Variants in TMTC2 observed in about 807,000 individuals in gnomAD.
TMTC2 encodes protein O-mannosyl-transferase TMTC2.
Under a neutral mutation model 82.4 loss-of-function variants are expected in TMTC2, and 43 were observed. That is an observed-to-expected ratio of 0.52 (90% CI 0.41 to 0.67). TMTC2 has a LOEUF of 0.67. Ranked by LOEUF, TMTC2 falls within the 30% of genes least tolerant of loss-of-function variation. The pLI, the probability that TMTC2 is intolerant of heterozygous loss-of-function variation, is 0.00. For synonymous variants in TMTC2, 408 were observed against 381.9 expected (o/e 1.07, Z -0.80); for missense variants, 919 against 1,012.4 (o/e 0.91, Z 1.25).
chr12:82,999,717 T>C (rs116822835), intron 8 of TMTC2, among the ~76,000 whole-genome samples: 2,729 of 152,248 alleles, frequency 0.018, 83 homozygotes, highest in African/African-American at 0.063. Context: ...GAGAACAGCA[T>C]GGGAAAGACC....
At chr12:83,084,755 G>T (rs139595100) in intron 11 of TMTC2, among the ~76,000 whole-genome samples, 2 of 152,156 alleles carry the variant, frequency 1.3e-5, no homozygotes, top group East Asian at 3.9e-4. Context: ...AATATTACTG[G>T]CAAGGCACCT....
chr12:82,703,702 T>C (rs1224550827), intron 1 of TMTC2, among the ~76,000 whole-genome samples: 1 of 152,070 alleles, frequency 6.6e-6, no homozygotes, highest in Non-Finnish European at 1.5e-5. Flanking sequence ...GGTTTCACCA[T>C]GGTCTCGATC....
At chr12:82,963,777 T>A (rs1474296558) in intron 4 of TMTC2, among the ~76,000 whole-genome samples, 1 of 110,182 alleles carries the variant, frequency 9.1e-6, no homozygotes, top group African/African-American at 3.9e-5. Context: ...TCAGATTAAC[T>A]GTTGTCCAGA....
chr12:83,040,951 T>C (rs1011720369), intron 9 of TMTC2, among the ~76,000 whole-genome samples: 3 of 152,164 alleles, frequency 2.0e-5, no homozygotes, highest in South Asian at 2.1e-4. Flanking sequence ...CCCAAAGTGC[T>C]GGGATTACAG....
rs538260859 is a variant in TMTC2, at chr12:82,792,498, G to A, written c.84-64512G>A. Among the ~76,000 whole-genome samples, 13 of 151,832 alleles carry A rather than the reference G, an allele frequency of 8.6e-5. No individual in the cohort carries two copies. In the East Asian group the frequency reaches 1.9e-3, roughly 23 times the overall value. ...TGTTTGTTTAAATTGACAGAGTCTC[G>A]CTCTGTCGCCCAGGATGGAGTGCAG... On this transcript the variant is annotated intron_variant, in intron 1 of 11. Transcript: ENST00000321196.
At chr12:83,018,392 TGCTATC>T (rs2137398769) in intron 8 of TMTC2, among the ~76,000 whole-genome samples, 1 of 152,330 alleles carries the variant, frequency 6.6e-6, no homozygotes, top group East Asian at 1.9e-4. Context: ...GCACTTCTCA[TGCTATC>T]GCTAAGCAGT....
chr12:82,715,287 CAAAAA>C (rs1394060792), intron 1 of TMTC2, among the ~76,000 whole-genome samples: 1 of 148,304 alleles, frequency 6.7e-6, no homozygotes, highest in African/African-American at 2.5e-5. Flanking sequence ...AAAAAAAAAA[CAAAAA>C]AGAAAAGGCA....
rs750327519 is a variant in TMTC2 at position 83,040,679 on chromosome 12, CTT to C, written c.2152+9818_2152+9819del. ...CAATCAACTTTTTTTCTGTCCTTTT[CTT>C]TTTTTTTTTTTTTTTTTCTTTTGAG... is the stretch of plus-strand genomic sequence containing the variant. On this transcript the variant is annotated intron_variant, in intron 9 of 11. Coordinates refer to ENST00000321196, the MANE Select transcript of TMTC2 (RefSeq NM_152588.3). 4.8e-5 allele frequency among the ~76,000 whole-genome samples: 6 copies of C among 124,208 alleles called. No homozygotes were observed. The South Asian group carries it at 7.8e-4, about 16-fold the overall frequency. 81.5% of individuals were successfully genotyped at this position (124,208 alleles called of 152,430 possible). A position where few individuals can be genotyped will look rare whatever the true frequency, so the allele number is the denominator to read the frequency against.
At chr12:82,908,959 A>T (rs1353074980) in intron 3 of TMTC2, among the ~76,000 whole-genome samples, 1 of 152,282 alleles carries the variant, frequency 6.6e-6, no homozygotes, top group East Asian at 1.9e-4. Context: ...TCTCTGCTAC[A>T]ATTGTAGTTT....
chr12:82,878,179 G>C (rs75269960), intron 2 of TMTC2, among the ~76,000 whole-genome samples: 8,235 of 152,276 alleles, frequency 0.054, 627 homozygotes, highest in African/African-American at 0.16. Context: ...TGCTGGTCTA[G>C]TTGCTATGGA....
rs1348309065 is a variant in TMTC2, at chr12:82,895,991, G to A, written c.828G>A (p.Leu276=). The change falls in exon 3 of 12, where the codon TTG becomes TTA. Residue 276 remains leucine, a synonymous_variant. Transcript: ENST00000321196. ...LLTRTLTFFY[L]PTKNLWLLLC... is the part of the protein sequence containing the mutation. ...CCCGCACTCTCACCTTCTTCTACTT[G>A]CCAACCAAGAACCTCTGGCTGTTGC... 1 of 1,613,692 alleles carries A rather than the reference G, an allele frequency of 6.2e-7. No homozygotes were observed. The highest frequency in any genetic ancestry group is 2.2e-5 in the East Asian group (1 of 44,824).
chr12:82,930,374 A>G, intron 3 of TMTC2, 57 bp from the exon 4 acceptor site: 1 of 955,600 alleles, frequency 1.0e-6, no homozygotes, highest in Admixed American at 2.2e-5. Context: ...GCCTGATATT[A>G]TGTCATGTAT....
chr12:82,863,343 T>C (rs1481656915), intron 2 of TMTC2, among the ~76,000 whole-genome samples: 2 of 152,184 alleles, frequency 1.3e-5, no homozygotes, highest in Non-Finnish European at 2.9e-5. Flanking sequence ...CTGATTCTGA[T>C]CACAATATTT....
Position 82,857,515 on chromosome 12 carries a change from G to A in TMTC2, c.589G>A (p.Ala197Thr), listed in dbSNP as rs776344172. The change falls in exon 2 of 12, where the codon GCA becomes ACA. Residue 197 changes from alanine (A) to threonine (T), a missense_variant. Physicochemically the swap from Ala to Thr is moderately conservative, Grantham distance 58. Transcript: ENST00000321196. ...AGGAGTGACTGTTCTCGCAGTTTCA[G>A]CAGTTTATGATGTCTTTGTCTTTCA... ...EQGVTVLAVSAVYDVFVFHRL... is the reference protein window; with the variant it reads ...EQGVTVLAVSTVYDVFVFHRL... The A allele has an allele frequency of 2.5e-6, 4 of 1,614,106 alleles. No homozygotes were observed. The Admixed American group carries it at 6.7e-5, about 27-fold the overall frequency.
At chr12:83,044,722 T>C (rs1026545530) in intron 9 of TMTC2, among the ~76,000 whole-genome samples, 1 of 152,198 alleles carries the variant, frequency 6.6e-6, no homozygotes, top group Non-Finnish European at 1.5e-5. Context: ...TAAAAAAGAT[T>C]TTTATTTGAT....
intron 3 of TMTC2, 46 bp downstream of exon 3, chr12:82,896,692 G>T: frequency 6.9e-7 from 1 of 1,457,084 alleles, no homozygotes; most frequent in African/African-American, 1.4e-5. Flanking sequence ...TACACTTTCA[G>T]CCTCTTTATA....
At chr12:82,743,938 T>G (rs1875545404) in intron 1 of TMTC2, among the ~76,000 whole-genome samples, 1 of 152,294 alleles carries the variant, frequency 6.6e-6, no homozygotes, top group East Asian at 1.9e-4. Flanking sequence ...GTATGATGGT[T>G]GGTTGCTATA....
chr12:82,786,340 A>G (rs1878174172), intron 1 of TMTC2, among the ~76,000 whole-genome samples: 1 of 152,094 alleles, frequency 6.6e-6, no homozygotes, highest in African/African-American at 2.4e-5. Context: ...ATAATGGTAT[A>G]AGGCAATAAT....
chr12:82,814,674 T>A (rs1017297538), intron 1 of TMTC2, among the ~76,000 whole-genome samples: 2 of 152,100 alleles, frequency 1.3e-5, no homozygotes, highest in African/African-American at 4.8e-5. Flanking sequence ...GACAGGGTGT[T>A]CCTTAAATTG....
Sources: gnomAD v4.1 joint callset for allele counts (sites outside exome capture counted in the v4.1 genomes callset) on GRCh38, gnomAD v4.1.1 for gene constraint, MANE v1.5 for transcripts, NCBI Gene and HGNC (gene_info 2026-07-23, HGNC 2026-07-21) for gene names.